Variants in YPEL2 observed in about 807,000 individuals in gnomAD.
The protein encoded by YPEL2 is protein yippee-like 2.
YPEL2 carries 2 observed loss-of-function variants against 19.1 expected under a neutral mutation model. The ratio of observed to expected loss-of-function variants is 0.10; its 90% CI spans 0.04 to 0.33. The LOEUF (loss-of-function observed/expected upper bound fraction) is 0.33, where lower values mean the gene tolerates loss of function less well. YPEL2 is among the 10% of genes least tolerant of loss of function. YPEL2 has a pLI of 1.00. For missense variants in YPEL2, 66 were observed against 140.7 expected, an observed-to-expected ratio of 0.47 and a Z score of 2.68; for synonymous variants, 52 against 50.0, an observed-to-expected ratio of 1.04 and a Z score of -0.17.
At chr17:59,337,122 T>C (rs1357589671) in intron 1 of YPEL2, among the ~76,000 whole-genome samples, 1 of 152,182 alleles carries the variant, frequency 6.6e-6, no homozygotes, top group Admixed American at 6.5e-5. Context: ...TATAAGGGTT[T>C]ATATTGTTGA....
At chr17:59,332,526 C>A (rs1485746929) in intron 1 of YPEL2, among the ~76,000 whole-genome samples, 1 of 152,114 alleles carries the variant, frequency 6.6e-6, no homozygotes, top group Non-Finnish European at 1.5e-5. Context: ...TAGGGGCGGC[C>A]CCGACCTTTC....
At chr17:59,379,293 C>G (rs966322577) in intron 2 of YPEL2, among the ~76,000 whole-genome samples, 12 of 152,218 alleles carry the variant, frequency 7.9e-5, no homozygotes, top group Admixed American at 2.6e-4. Context: ...TGGGTTCCAA[C>G]TCTTTGGAAT....
At chr17:59,337,488 C>A (rs375741224) in intron 1 of YPEL2, among the ~76,000 whole-genome samples, 1 of 152,032 alleles carries the variant, frequency 6.6e-6, no homozygotes, top group Non-Finnish European at 1.5e-5. Context: ...CGCGCCCGGC[C>A]GGGAGAAATT....
At chr17:59,384,183 A>G (rs1027527384) in intron 2 of YPEL2, among the ~76,000 whole-genome samples, 2 of 152,212 alleles carry the variant, frequency 1.3e-5, no homozygotes, top group African/African-American at 4.8e-5. Context: ...TCAGTTTATC[A>G]GTTTTTTTCT....
chr17:59,382,711 C>A (rs1042745190), intron 2 of YPEL2, among the ~76,000 whole-genome samples: 1 of 152,056 alleles, frequency 6.6e-6, no homozygotes, highest in African/African-American at 2.4e-5. Flanking sequence ...TAAAAAAAAT[C>A]TTGGTTCATC....
chr17:59,352,253 A>G (rs1339093192), intron 1 of YPEL2, among the ~76,000 whole-genome samples: 1 of 152,186 alleles, frequency 6.6e-6, no homozygotes, highest in African/African-American at 2.4e-5. Context: ...AGCCCAGGGG[A>G]TAGCAGGTGC....
At chr17:59,371,038 C>T (rs993716176) in intron 2 of YPEL2, among the ~76,000 whole-genome samples, 5 of 152,130 alleles carry the variant, frequency 3.3e-5, no homozygotes, top group African/African-American at 9.7e-5. Flanking sequence ...AGCCCCCAGC[C>T]GAGGGAGTTA....
intron 2 of YPEL2, chr17:59,363,299 C>CT (rs372443124): frequency 0.016 from 2,318 of 147,520 alleles, 59 homozygotes; most frequent in African/African-American, 0.052. Flanking sequence ...AAGACTTACC[C>CT]TTTTTTTTTT....
chr17:59,349,851 G>A (rs573561442), intron 1 of YPEL2, among the ~76,000 whole-genome samples: 45 of 152,068 alleles, frequency 3.0e-4, no homozygotes, highest in Non-Finnish European at 4.3e-4. Flanking sequence ...GGTAGAGACG[G>A]GGTTTCACCA....
intron 1 of YPEL2, among the ~76,000 whole-genome samples, chr17:59,347,296 T>TTTTTTTC (rs954382473): frequency 6.6e-6 from 1 of 152,108 alleles, no homozygotes; most frequent in Non-Finnish European, 1.5e-5. Flanking sequence ...TCCAGGTCCT[T>TTTTTTTC]TTTTTTCTTT....
intron 1 of YPEL2, among the ~76,000 whole-genome samples, chr17:59,336,935 C>T (rs968941078): frequency 2.0e-5 from 3 of 152,202 alleles, no homozygotes; most frequent in African/African-American, 7.2e-5. Flanking sequence ...GACGAGTTTT[C>T]TATCTGCTCC....
Position 59,370,436 on chromosome 17 carries a change from C to T in YPEL2, c.117+16910C>T, listed in dbSNP as rs558839378. 3.3e-5 allele frequency among the ~76,000 whole-genome samples: 5 copies of T among 152,236 alleles called. No homozygotes were observed. In the East Asian group the frequency reaches 9.6e-4, roughly 29 times the overall value. ...CAGAACAAATGAAATAGCAGCAAAACGGTCTGTCATATATTCTGGTTTTCA... is the reference window on the plus strand; with the variant it reads ...CAGAACAAATGAAATAGCAGCAAAATGGTCTGTCATATATTCTGGTTTTCA... On this transcript the variant is annotated intron_variant, in intron 2 of 4. Transcript: ENST00000312655.
At chr17:59,351,367 A>T (rs1442954155) in intron 1 of YPEL2, among the ~76,000 whole-genome samples, 1 of 151,938 alleles carries the variant, frequency 6.6e-6, no homozygotes, top group Admixed American at 6.6e-5. Flanking sequence ...AGAGTGTGAG[A>T]CTCTGTCTTA....
chr17:59,400,572 CAG>C lies in YPEL2; in HGVS notation c.*3384_*3385del, dbSNP rs2048065699. 1 of 152,162 alleles carries C rather than the reference CAG, an allele frequency of 6.6e-6. No homozygotes were observed. Among genetic ancestry groups the C allele is most frequent in the Non-Finnish European group, 1.5e-5 (1 of 67,950 alleles). The allele number at this position is 152,162 out of a possible 1,614,324, so 9.4% of individuals were successfully genotyped here. A position where few individuals can be genotyped will look rare whatever the true frequency, so the allele number is the denominator to read the frequency against. On this transcript the variant is annotated 3_prime_UTR_variant, in exon 5 of 5. Transcript: ENST00000312655. ...TCTCTGCATTTTTTCCCCAGTGGAA[CAG>C]ACTCTGCAGTACATTAATCAGGTTG...
intron 1 of YPEL2, among the ~76,000 whole-genome samples, chr17:59,344,998 T>C (rs956829907): frequency 2.0e-5 from 3 of 152,196 alleles, no homozygotes; most frequent in African/African-American, 7.2e-5. Flanking sequence ...CCTCAGCTCA[T>C]CAGGCATTAG....
At chr17:59,355,111 G>A (rs1292843209) in intron 2 of YPEL2, 1 of 152,064 alleles carries the variant, frequency 6.6e-6, no homozygotes, top group Non-Finnish European at 1.5e-5. Context: ...AGGTATTTTA[G>A]CACCCTTTAT....
intron 1 of YPEL2, among the ~76,000 whole-genome samples, chr17:59,347,931 CTTTT>C (rs894332988): frequency 4.6e-5 from 7 of 151,324 alleles, no homozygotes; most frequent in African/African-American, 1.7e-4. Flanking sequence ...CTTTTTCTTT[CTTTT>C]TTTTTAAGCA....
At chr17:59,333,816 C>T (rs1441983401) in intron 1 of YPEL2, among the ~76,000 whole-genome samples, 1 of 152,104 alleles carries the variant, frequency 6.6e-6, no homozygotes, top group African/African-American at 2.4e-5. Context: ...TTCAGTGGGC[C>T]ACAGGAATCT....
intron 2 of YPEL2, chr17:59,362,894 A>G (rs1014175745): frequency 4.6e-5 from 7 of 152,194 alleles, no homozygotes; most frequent in African/African-American, 1.7e-4. Flanking sequence ...ATCCACTGTC[A>G]TACACTACTT....
Sources: allele counts gnomAD v4.1 joint callset (sites outside exome capture counted in the v4.1 genomes callset), GRCh38; gene constraint gnomAD v4.1.1; transcripts MANE v1.5; gene names NCBI Gene and HGNC (gene_info 2026-07-23, HGNC 2026-07-21).